Variants in EMSY observed in about 807,000 individuals in gnomAD.
EMSY encodes the protein EMSY transcriptional repressor, BRCA2 interacting.
A neutral mutation model predicts 134.6 loss-of-function variants in EMSY; 26 were observed. That is an observed-to-expected ratio of 0.19 (90% CI 0.14 to 0.27). EMSY has a LOEUF of 0.27. EMSY is among the 10% of genes least tolerant of loss of function. EMSY has a pLI of 1.00. For synonymous variants in EMSY, 579 were observed against 577.8 expected (o/e 1.00, Z -0.03); for missense variants, 1,305 against 1,611.4 (o/e 0.81, Z 3.26).
chr11:76,488,114 A>C (rs1231383974), intron 8 of EMSY, among the ~76,000 whole-genome samples: 2 of 152,232 alleles, frequency 1.3e-5, no homozygotes, highest in African/African-American at 4.8e-5. Flanking sequence ...AACATGGATT[A>C]ATGTCTTTGT....
At chr11:76,449,377 T>C (rs1176966914) in intron 2 of EMSY, among the ~76,000 whole-genome samples, 1 of 152,174 alleles carries the variant, frequency 6.6e-6, no homozygotes, top group African/African-American at 2.4e-5. Flanking sequence ...CAGTTTTGTG[T>C]GTGTGAGGTT....
At chr11:76,504,711 A>G (rs563009345) in intron 9 of EMSY, among the ~76,000 whole-genome samples, 4 of 152,342 alleles carry the variant, frequency 2.6e-5, no homozygotes, top group South Asian at 4.1e-4. Flanking sequence ...ATACCAAAAA[A>G]CTTGCATACA....
At chr11:76,454,674 G>A in intron 4 of EMSY, 75 bp from the exon 5 acceptor site, 2 of 977,054 alleles carry the variant, frequency 2.0e-6, no homozygotes, top group South Asian at 1.7e-5. Flanking sequence ...GCAACTAGTT[G>A]TAAGTTGATG....
intron 6 of EMSY, among the ~76,000 whole-genome samples, chr11:76,463,442 T>G (rs1948211653): frequency 1.3e-5 from 2 of 150,534 alleles, no homozygotes; most frequent in African/African-American, 4.9e-5. Context: ...GCTAACAAGG[T>G]GAAACCCCGT....
At chr11:76,484,629 G>T (rs1949107872) in intron 8 of EMSY, among the ~76,000 whole-genome samples, 1 of 152,052 alleles carries the variant, frequency 6.6e-6, no homozygotes, top group Non-Finnish European at 1.5e-5. Flanking sequence ...ACACCTCTAC[G>T]CAAATAAACT....
chr11:76,533,784 A>T (rs187614847), intron 14 of EMSY, among the ~76,000 whole-genome samples: 2 of 152,282 alleles, frequency 1.3e-5, no homozygotes, highest in African/African-American at 4.8e-5. Context: ...TCTGCAAGAG[A>T]TGCAGGAAGT....
chr11:76,515,215 G>A (rs1950409643), intron 10 of EMSY, among the ~76,000 whole-genome samples: 2 of 150,250 alleles, frequency 1.3e-5, no homozygotes, highest in Admixed American at 6.6e-5. Flanking sequence ...TTGGGGGGGG[G>A]GAGGAGGCGA....
intron 8 of EMSY, among the ~76,000 whole-genome samples, chr11:76,486,936 C>T (rs1414579345): frequency 6.6e-6 from 1 of 152,204 alleles, no homozygotes; most frequent in Non-Finnish European, 1.5e-5. Flanking sequence ...CAAATCATGT[C>T]AGTTTATACA....
chr11:76,528,589 T>TC, intron 14 of EMSY, 123 bp downstream of exon 15: 17 of 594,234 alleles, frequency 2.9e-5, no homozygotes, highest in Admixed American at 3.7e-5. Context: ...CTTTTCCTTT[T>TC]TTTTTTTTTT....
exon 20 of EMSY, chr11:76,546,200 T>C (rs747177842): frequency 6.2e-7 from 1 of 1,614,148 alleles, no homozygotes; most frequent in Admixed American, 1.7e-5. Flanking sequence ...ACAAGGAAAA[T>C]TGATCCACCA....
chr11:76,536,893 G>T (rs1244927348), intron 15 of EMSY, among the ~76,000 whole-genome samples: 3 of 151,900 alleles, frequency 2.0e-5, no homozygotes, highest in African/African-American at 7.2e-5. Context: ...TGTTGTTGTT[G>T]TTTTACTTAT....
rs770151382 is a variant in EMSY at position 76,539,587 on chromosome 11, T to C, written c.2516-12T>C. ...AAAAGACTATGATTTCTTCCCTTAC[T>C]TATCCTTTCAGAACGCACTGATGAG... On this transcript the variant is annotated splice_polypyrimidine_tract_variant and intron_variant, in intron 16 of 20. Transcript: ENST00000334736. 1.2e-6 allele frequency: 2 copies of C among 1,613,536 alleles called. No individual in the cohort carries two copies. Among genetic ancestry groups the C allele is most frequent in the African/African-American group, 2.7e-5 (2 of 74,892 alleles).
At chr11:76,506,440 A>C (rs1950079549) in intron 9 of EMSY, among the ~76,000 whole-genome samples, 1 of 152,258 alleles carries the variant, frequency 6.6e-6, no homozygotes, top group African/African-American at 2.4e-5. Context: ...CCATGAAGTC[A>C]AAAGACAAAT....
chr11:76,508,698 A>G (rs1178374986), intron 9 of EMSY, among the ~76,000 whole-genome samples: 5 of 152,232 alleles, frequency 3.3e-5, no homozygotes, highest in South Asian at 2.1e-4. Context: ...AGCCACCTTC[A>G]TCAATGATCT....
intron 8 of EMSY, 62 bp from the exon 10 acceptor site, chr11:76,496,153 C>A: frequency 1.3e-6 from 2 of 1,506,872 alleles, no homozygotes; most frequent in Non-Finnish European, 1.8e-6. Context: ...CTATAATAAC[C>A]AGAAGTAACT....
exon 20 of EMSY, chr11:76,545,802 G>T (rs910757521): frequency 1.3e-6 from 2 of 1,599,058 alleles, no homozygotes; most frequent in African/African-American, 2.7e-5. Flanking sequence ...TTCAGGTGGA[G>T]CAGCCAATTA....
In EMSY at chr11:76,454,739, C is replaced by G; in HGVS notation, c.245+1351C>G. 6.9e-7 allele frequency: 1 copy of G among 1,442,678 alleles called. No homozygotes were observed. Among genetic ancestry groups the G allele is most frequent in the Non-Finnish European group, 9.3e-7 (1 of 1,072,854 alleles). The allele number at this position is 1,442,678 out of a possible 1,614,324, so 89.4% of individuals were successfully genotyped here. ...TATTTAGTCTCCTTTTCCTTTTTTC[C>G]CCTTTAAAGAATGAATTTATCCTTA... On this transcript the variant is annotated intron_variant, in intron 4 of 20. Transcript: ENST00000334736.
exon 6 of EMSY, chr11:76,460,034 C>T (rs2135066083): frequency 1.2e-6 from 2 of 1,614,146 alleles, no homozygotes; most frequent in Non-Finnish European, 1.7e-6. Context: ...ACCTGCCAGT[C>T]CTGCCTCCAA....
chr11:76,451,791 C>A, intron 2 of EMSY, 67 bp from the exon 3 acceptor site: 1 of 926,066 alleles, frequency 1.1e-6, no homozygotes, highest in Non-Finnish European at 1.5e-6. Flanking sequence ...CCTGAAGTTT[C>A]ACTATACATA....
Sources: allele counts gnomAD v4.1 joint callset (sites outside exome capture counted in the v4.1 genomes callset), GRCh38; gene constraint gnomAD v4.1.1; transcripts MANE v1.5; gene names NCBI Gene and HGNC (gene_info 2026-07-23, HGNC 2026-07-21).